Variants in ARAP2 observed in about 807,000 individuals in gnomAD.
The protein encoded by ARAP2 is ArfGAP with RhoGAP domain, ankyrin repeat and PH domain 2, also known as arf-GAP with Rho-GAP domain, ANK repeat and PH domain-containing protein 2.
Under a neutral mutation model 194.5 loss-of-function variants are expected in ARAP2, and 148 were observed. That is an observed-to-expected ratio of 0.76 (90% CI 0.67 to 0.87). The LOEUF (loss-of-function observed/expected upper bound fraction) is 0.87. Among genes scored for constraint, ARAP2 ranks in the 40% least tolerant of loss-of-function variants. The probability of loss-of-function intolerance (pLI) is 0.00; values close to 1 mark genes in which losing one functional copy is unlikely to be tolerated. For synonymous variants in ARAP2, 695 were observed against 683.5 expected (o/e 1.02, Z -0.26); for missense variants, 2,128 against 1,989.7 (o/e 1.07, Z -1.32).
At chr4:36,234,535 T>C (rs1345767863) in intron 1 of ARAP2, among the ~76,000 whole-genome samples, 1 of 152,306 alleles carries the variant, frequency 6.6e-6, no homozygotes, top group East Asian at 1.9e-4. Flanking sequence ...TGCTGTTCCA[T>C]AGATAGTGTA....
chr4:36,215,703 T>C (rs1339238897), intron 2 of ARAP2, among the ~76,000 whole-genome samples: 1 of 152,058 alleles, frequency 6.6e-6, no homozygotes, highest in African/African-American at 2.4e-5. Context: ...TTAAAATGGG[T>C]TAACCTGCCA....
chr4:36,160,323 A>G (rs552856075), intron 13 of ARAP2, 136 bp downstream of exon 13: 22 of 1,234,618 alleles, frequency 1.8e-5, no homozygotes, highest in Middle Eastern at 3.1e-4. Context: ...CCACTGAAAT[A>G]ATGTCACAAA....
chr4:36,073,693 A>G lies in ARAP2; in HGVS notation c.4739T>C (p.Ile1580Thr), dbSNP rs1242105381. The stretch of plus-strand genomic sequence containing the variant: ...ACAAACAAAATCCTAACCTACCTCA[A>G]TATTTTTCCGGGCCAAGGTTGCATT... ...EGNATLARKNIESARAELERL... is the reference protein window; with the variant it reads ...EGNATLARKNTESARAELERL... The change falls in exon 32 of 33, where the codon ATT becomes ACT. Residue 1580 changes from isoleucine to threonine, a missense_variant. Physicochemically the swap from Ile to Thr is moderately conservative, Grantham distance 89. Coordinates refer to ENST00000303965, the MANE Select transcript of ARAP2 (RefSeq NM_015230.4). The G allele has an allele frequency of 4.3e-6, 7 of 1,611,330 alleles. No individual in the cohort carries two copies. The Admixed American group carries it at 8.4e-5, about 19-fold the overall frequency.
chr4:36,034,087 T>G (rs1330857643), intron 5 of ARAP2, among the ~76,000 whole-genome samples: 1 of 152,180 alleles, frequency 6.6e-6, no homozygotes, highest in Non-Finnish European at 1.5e-5. Context: ...ACATGATACC[T>G]TCAGATTTGT....
At chr4:36,056,135 A>C (rs886552336) in intron 2 of ARAP2, among the ~76,000 whole-genome samples, 2 of 152,230 alleles carry the variant, frequency 1.3e-5, no homozygotes, top group Non-Finnish European at 2.9e-5. Flanking sequence ...TAGGTCCTGA[A>C]CTATTTTCAA....
At chr4:36,173,672 T>A (rs887200340) in intron 9 of ARAP2, among the ~76,000 whole-genome samples, 5 of 151,462 alleles carry the variant, frequency 3.3e-5, no homozygotes, top group Admixed American at 1.3e-4. Flanking sequence ...GAAAAAAAAA[T>A]TTTAAAGCGA....
intron 30 of ARAP2, among the ~76,000 whole-genome samples, chr4:36,081,909 G>A (rs1729644025): frequency 6.6e-6 from 1 of 152,020 alleles, no homozygotes; most frequent in Non-Finnish European, 1.5e-5. Flanking sequence ...GGTTGAGAGC[G>A]GGATATATGT....
chr4:36,239,198 C>A (rs1753031172), intron 1 of ARAP2, among the ~76,000 whole-genome samples: 1 of 151,712 alleles, frequency 6.6e-6, no homozygotes. Context: ...ATCGCTTGAA[C>A]CCAGTGGGCG....
At chr4:36,101,009 A>G (rs981497075) in intron 27 of ARAP2, among the ~76,000 whole-genome samples, 1 of 152,218 alleles carries the variant, frequency 6.6e-6, no homozygotes, top group Non-Finnish European at 1.5e-5. Flanking sequence ...TTGAAAAACC[A>G]AAAATAACAA....
At chr4:36,174,783 C>T (rs900302870) in intron 9 of ARAP2, among the ~76,000 whole-genome samples, 1 of 152,132 alleles carries the variant, frequency 6.6e-6, no homozygotes, top group African/African-American at 2.4e-5. Flanking sequence ...AACTTAATTA[C>T]CAGAGCCAAT....
intron 1 of ARAP2, chr4:36,243,849 A>G (rs1284124311): frequency 1.3e-5 from 2 of 152,268 alleles, no homozygotes; most frequent in Non-Finnish European, 2.9e-5. Flanking sequence ...TACCGAGTAA[A>G]TAACTTGGTG....
chr4:36,128,467 G>A, intron 21 of ARAP2, 66 bp downstream of exon 21: 3 of 544,016 alleles, frequency 5.5e-6, no homozygotes, highest in Middle Eastern at 4.5e-4. Flanking sequence ...ATGTATTATG[G>A]TCTATATTAT....
chr4:36,026,655 G>C (rs1717958579), intron 5 of ARAP2, among the ~76,000 whole-genome samples: 1 of 152,170 alleles, frequency 6.6e-6, no homozygotes, highest in Non-Finnish European at 1.5e-5. Flanking sequence ...AAGTTGATTT[G>C]GAAAAGATAG....
At chr4:36,091,677 G>T (rs923778648) in intron 28 of ARAP2, among the ~76,000 whole-genome samples, 1 of 151,928 alleles carries the variant, frequency 6.6e-6, no homozygotes, top group Non-Finnish European at 1.5e-5. Context: ...AAAATCTGAG[G>T]TGCCTAAAAA....
At chr4:36,071,647 T>C (rs1319075020) in intron 32 of ARAP2, among the ~76,000 whole-genome samples, 1 of 151,972 alleles carries the variant, frequency 6.6e-6, no homozygotes, top group Non-Finnish European at 1.5e-5. Context: ...TTATGACTGA[T>C]TTTTATTAAT....
At chr4:36,064,802 G>A (rs1003547355), downstream of ARAP2, among the ~76,000 whole-genome samples, 19 of 152,206 alleles carry the variant, frequency 1.2e-4, no homozygotes, top group Non-Finnish European at 4.4e-5. Context: ...CACCTCTTGG[G>A]TCACTGCCTC....
At chr4:36,185,358 T>C (rs1444067195) in intron 8 of ARAP2, among the ~76,000 whole-genome samples, 1 of 152,192 alleles carries the variant, frequency 6.6e-6, no homozygotes, top group African/African-American at 2.4e-5. Flanking sequence ...TTGATATTTA[T>C]TATTTTCTGT....
At chr4:36,169,483 G>C (rs966155430) in intron 9 of ARAP2, among the ~76,000 whole-genome samples, 2 of 151,654 alleles carry the variant, frequency 1.3e-5, no homozygotes, top group African/African-American at 4.8e-5. Flanking sequence ...AAATAAGGGA[G>C]TGCTAGCTGG....
chr4:36,102,337 C>G (rs1236069984), intron 27 of ARAP2, among the ~76,000 whole-genome samples: 2 of 152,136 alleles, frequency 1.3e-5, no homozygotes, highest in East Asian at 1.9e-4. Flanking sequence ...TACAATCCAG[C>G]TTTCATGGTA....
Sources: allele counts gnomAD v4.1 joint callset (sites outside exome capture counted in the v4.1 genomes callset), GRCh38; gene constraint gnomAD v4.1.1; transcripts MANE v1.5; gene names NCBI Gene and HGNC (gene_info 2026-07-23, HGNC 2026-07-21).